Variants in NRXN3 observed in about 807,000 individuals in gnomAD.
NRXN3 encodes neurexin 3, also known as neurexin III.
Under a neutral mutation model 137.6 loss-of-function variants are expected in NRXN3, and 32 were observed. The observed-to-expected ratio is 0.23, with a 90% CI of 0.18 to 0.31. NRXN3 has a LOEUF of 0.31. NRXN3 is among the 10% of genes least tolerant of loss of function. The pLI, the probability that NRXN3 is intolerant of heterozygous loss-of-function variation, is 1.00. For missense variants in NRXN3, 1,574 were observed against 2,062.5 expected (o/e 0.76, Z 4.59); for synonymous variants, 798 against 784.5 (o/e 1.02, Z -0.29).
intron 20 of NRXN3, among the ~76,000 whole-genome samples, chr14:79,837,952 T>A (rs935027389): frequency 2.6e-5 from 4 of 152,218 alleles, no homozygotes; most frequent in Admixed American, 6.5e-5. Context: ...TTATAGATAT[T>A]TGTCCTTTCA....
At chr14:78,392,211 A>G (rs1372792104) in intron 4 of NRXN3, among the ~76,000 whole-genome samples, 1 of 152,214 alleles carries the variant, frequency 6.6e-6, no homozygotes, top group Non-Finnish European at 1.5e-5. Context: ...AAGATATGCA[A>G]CAGAGATGGC....
intron 16 of NRXN3, among the ~76,000 whole-genome samples, chr14:79,542,834 C>T (rs533129550): frequency 6.6e-6 from 1 of 151,896 alleles, no homozygotes; most frequent in East Asian, 1.9e-4. Flanking sequence ...GGATAGCCAA[C>T]TAAACTATGC....
At chr14:79,237,265 C>T (rs1341304706) in intron 15 of NRXN3, among the ~76,000 whole-genome samples, 1 of 152,014 alleles carries the variant, frequency 6.6e-6, no homozygotes, top group Non-Finnish European at 1.5e-5. Flanking sequence ...AGAGCTTGCC[C>T]AGTTTCTATT....
chr14:78,548,482 TAGAC>T (rs2096656866), intron 4 of NRXN3, among the ~76,000 whole-genome samples: 3 of 152,212 alleles, frequency 2.0e-5, no homozygotes, highest in Admixed American at 6.5e-5. Flanking sequence ...AAATGGATGA[TAGAC>T]AGAAGTTTTT....
chr14:79,757,834 G>A (rs1057111427), intron 19 of NRXN3, among the ~76,000 whole-genome samples: 20 of 152,098 alleles, frequency 1.3e-4, no homozygotes, highest in African/African-American at 4.1e-4. Context: ...TTAGGATCCC[G>A]TGGAGAGGCC....
intron 19 of NRXN3, among the ~76,000 whole-genome samples, chr14:79,781,516 C>G (rs535157313): frequency 7.0e-4 from 107 of 152,320 alleles, no homozygotes; most frequent in Non-Finnish European, 1.2e-3. Flanking sequence ...GGATTCGTAT[C>G]ATGTTCTATT....
chr14:79,451,366 T>C (rs1198842915), intron 15 of NRXN3, among the ~76,000 whole-genome samples: 1 of 152,194 alleles, frequency 6.6e-6, no homozygotes, highest in Non-Finnish European at 1.5e-5. Flanking sequence ...GATTTCCTCA[T>C]AATAAACATA....
At chr14:79,840,710 T>C (rs2099354112) in intron 20 of NRXN3, among the ~76,000 whole-genome samples, 1 of 152,206 alleles carries the variant, frequency 6.6e-6, no homozygotes, top group South Asian at 2.1e-4. Context: ...ATTATAATTA[T>C]TGAGTAAAAT....
At chr14:78,524,746 AT>A (rs142730698) in intron 4 of NRXN3, among the ~76,000 whole-genome samples, 4 of 151,570 alleles carry the variant, frequency 2.6e-5, no homozygotes, top group African/African-American at 4.9e-5. Context: ...TCTCAGCACA[AT>A]TTTTTTTTCT....
At chr14:79,795,541 A>G (rs1368048295) in intron 19 of NRXN3, among the ~76,000 whole-genome samples, 1 of 152,074 alleles carries the variant, frequency 6.6e-6, no homozygotes, top group Non-Finnish European at 1.5e-5. Context: ...ATGTTCTCAA[A>G]TTGACTCTCA....
chr14:78,506,410 C>T (rs747605498), intron 4 of NRXN3, among the ~76,000 whole-genome samples: 6 of 151,976 alleles, frequency 3.9e-5, no homozygotes, highest in Non-Finnish European at 7.4e-5. Flanking sequence ...CTTTGAGTTC[C>T]TGGTATCAAT....
At position 79,310,009 on chromosome 14, in the gene NRXN3, C is replaced by T. The variant is rs1185822045; in HGVS notation, c.3263-157212C>T. On this transcript the variant is annotated intron_variant, in intron 15 of 20. Transcript: ENST00000335750. ...GTTTTGGACATGAAGTCCTTGCCCA[C>T]GCCTATGTCCTGAATGGTAATGCCT... Among the ~76,000 whole-genome samples the T allele has an allele frequency of 1.6e-4, 20 of 128,244 alleles. 1 individual carries two copies. Among genetic ancestry groups the T allele is most frequent in the Admixed American group, 9.9e-4 (13 of 13,106 alleles). 84.1% of individuals were successfully genotyped at this position (128,244 alleles called of 152,430 possible). A position where few individuals can be genotyped will look rare whatever the true frequency, so the allele number is the denominator to read the frequency against.
At chr14:79,174,694 A>T (rs2062132464) in intron 15 of NRXN3, among the ~76,000 whole-genome samples, 1 of 151,484 alleles carries the variant, frequency 6.6e-6, no homozygotes, top group Admixed American at 6.6e-5. Context: ...GGAATTAAGT[A>T]AATTATAGTA....
chr14:78,806,960 A>G (rs1028298190), intron 9 of NRXN3, among the ~76,000 whole-genome samples: 2 of 152,234 alleles, frequency 1.3e-5, no homozygotes, highest in Non-Finnish European at 2.9e-5. Flanking sequence ...AGAGAGAAAT[A>G]TATTACTTTT....
At chr14:79,834,558 T>C (rs949367045) in intron 20 of NRXN3, among the ~76,000 whole-genome samples, 1 of 152,182 alleles carries the variant, frequency 6.6e-6, no homozygotes. Context: ...TATCAAAATG[T>C]AGCCACGCAT....
chr14:79,714,950 C>CT (rs1241924474), intron 19 of NRXN3, among the ~76,000 whole-genome samples: 5 of 151,952 alleles, frequency 3.3e-5, no homozygotes, highest in African/African-American at 1.2e-4. Flanking sequence ...AAATCCTTTT[C>CT]TTTTTTTTCT....
chr14:79,396,776 G>C (rs2095038651), intron 15 of NRXN3, among the ~76,000 whole-genome samples: 1 of 152,120 alleles, frequency 6.6e-6, no homozygotes, highest in Non-Finnish European at 1.5e-5. Flanking sequence ...ATGTCAGAGG[G>C]AAGGGTATTA....
At chr14:79,484,218 CA>C (rs1344779554) in intron 16 of NRXN3, among the ~76,000 whole-genome samples, 7 of 152,104 alleles carry the variant, frequency 4.6e-5, no homozygotes, top group Non-Finnish European at 1.0e-4. Flanking sequence ...AGAGCAGAAA[CA>C]AAGGCTTTTC....
chr14:79,044,555 C>G (rs532027803), intron 15 of NRXN3, among the ~76,000 whole-genome samples: 1 of 152,144 alleles, frequency 6.6e-6, no homozygotes, highest in African/African-American at 2.4e-5. Flanking sequence ...TGTTGAATGC[C>G]TAATGAATGT....
Sources: allele counts gnomAD v4.1 joint callset (sites outside exome capture counted in the v4.1 genomes callset), GRCh38; gene constraint gnomAD v4.1.1; transcripts MANE v1.5; gene names NCBI Gene and HGNC (gene_info 2026-07-23, HGNC 2026-07-21).